FARS2: variants seen among roughly 807,000 people sequenced by gnomAD.
FARS2 encodes the protein phenylalanyl-tRNA synthetase 2, mitochondrial.
In FARS2, 40 loss-of-function variants were observed where a neutral mutation model predicts 46.4. That is an observed-to-expected ratio of 0.86 (90% confidence interval 0.67 to 1.12). The LOEUF is 1.12. FARS2 is among the 50% of genes most tolerant of loss of function. The probability of loss-of-function intolerance (pLI) is 0.00; values close to 1 mark genes in which losing one functional copy is unlikely to be tolerated. For synonymous variants in FARS2, 234 were observed against 214.9 expected, an observed-to-expected ratio of 1.09 and a Z score of -0.78; for missense variants, 513 against 567.9, an observed-to-expected ratio of 0.90 and a Z score of 0.98.
intron 5 of FARS2, among the ~76,000 whole-genome samples, chr6:5,554,154 T>C (rs1483303646): frequency 1.3e-5 from 2 of 152,238 alleles, no homozygotes; most frequent in Non-Finnish European, 2.9e-5. Flanking sequence ...AACTCCTTCC[T>C]TCCTTTCTCC....
rs1233155628 is a variant in FARS2 at position 5,545,340 on chromosome 6, G to A, written c.1065G>A (p.Gln355=). ...ACATTAATCAGAAGGTGAAGTTTCA[G>A]GTAAGATGACTTGCAAGAACTGAAT... The part of the protein sequence containing the change: ...VSNINQKVKF[Q]PLSKYPAVIN... The change falls in exon 5 of 7, where the codon CAG becomes CAA. Residue 355 remains glutamine (Q), a splice_region_variant and synonymous_variant. Transcript: ENST00000274680. 6.2e-7 allele frequency: 1 copy of A among 1,612,808 alleles called. No homozygotes were observed. The highest frequency in any genetic ancestry group is 1.7e-4 in the Middle Eastern group (1 of 6,052).
chr6:5,526,828 G>A (rs1769494277), intron 4 of FARS2, among the ~76,000 whole-genome samples: 1 of 152,032 alleles, frequency 6.6e-6, no homozygotes, highest in African/African-American at 2.4e-5. Context: ...TATTGGCCAG[G>A]CTGGTCTCAA....
chr6:5,664,699 A>T (rs542661857), intron 6 of FARS2, among the ~76,000 whole-genome samples: 11 of 152,310 alleles, frequency 7.2e-5, no homozygotes, highest in African/African-American at 2.6e-4. Context: ...GATGTTGAGG[A>T]TGGATCTCAT....
In FARS2 at chr6:5,656,370, C is replaced by A. The variant is rs540197410; in HGVS notation, c.1217+43050C>A. On this transcript the variant is annotated intron_variant, in intron 6 of 6. Transcript: ENST00000274680. ...GGTAACCAAGAACTGGAAGTGTAAC[C>A]AGGTAACCTAGAATTGGAAGTGTTT... Among the ~76,000 whole-genome samples, 111 of 152,280 alleles carry A rather than the reference C, an allele frequency of 7.3e-4. 1 individual carries two copies. The highest frequency in any genetic ancestry group is 3.4e-3 in the Middle Eastern group (1 of 294).
chr6:5,545,248 G>A lies in FARS2; in HGVS notation c.973G>A (p.Asp325Asn), dbSNP rs764427452. 57 of 1,613,894 alleles carry A rather than the reference G, an allele frequency of 3.5e-5. No homozygotes were observed. The East Asian group carries it at 3.8e-4, about 11-fold the overall frequency. Residue 325 changes from aspartate to asparagine, a missense_variant, in exon 5 of 7, where the codon GAC (aspartate) becomes AAC (asparagine). Asp to Asn is a conservative substitution (Grantham distance 23). Coordinates refer to ENST00000274680, the MANE Select transcript of FARS2 (RefSeq NM_006567.5). ...AGAAAGGCTAGCCATGATCCTCTAC[G>A]ACATCCCTGATATCCGTCTCTTCTG... is the stretch of plus-strand genomic sequence containing the variant. ...GLERLAMILY[D>N]IPDIRLFWCE...
intron 1 of FARS2, among the ~76,000 whole-genome samples, chr6:5,281,335 A>G (rs956192206): frequency 6.6e-6 from 1 of 152,186 alleles, no homozygotes; most frequent in African/African-American, 2.4e-5. Flanking sequence ...CTGTTCTTTC[A>G]CTTATTTTGT....
intron 4 of FARS2, among the ~76,000 whole-genome samples, chr6:5,544,735 G>T (rs1001026866): frequency 2.0e-5 from 3 of 152,138 alleles, no homozygotes; most frequent in African/African-American, 7.2e-5. Flanking sequence ...ATGTAAGTTC[G>T]TTCTAAACAT....
At chr6:5,453,398 A>G (rs1034623808) in intron 4 of FARS2, among the ~76,000 whole-genome samples, 5 of 152,234 alleles carry the variant, frequency 3.3e-5, no homozygotes, top group Admixed American at 6.5e-5. Flanking sequence ...AATTAATACT[A>G]TCTACAGTGT....
intron 5 of FARS2, among the ~76,000 whole-genome samples, chr6:5,570,247 T>C (rs1441691844): frequency 6.6e-6 from 1 of 152,234 alleles, no homozygotes; most frequent in East Asian, 1.9e-4. Flanking sequence ...ATTTGAATAG[T>C]TGGAACATCT....
intron 1 of FARS2, among the ~76,000 whole-genome samples, chr6:5,339,370 G>A (rs918029425): frequency 6.6e-6 from 1 of 151,782 alleles, no homozygotes; most frequent in African/African-American, 2.4e-5. Context: ...TGAAATCAGG[G>A]CAAGTTAGCA....
chr6:5,328,340 A>G (rs1213946005), intron 1 of FARS2, among the ~76,000 whole-genome samples: 1 of 152,182 alleles, frequency 6.6e-6, no homozygotes, highest in African/African-American at 2.4e-5. Flanking sequence ...TTATAATTTT[A>G]CGGTTATGCT....
intron 2 of FARS2, among the ~76,000 whole-genome samples, chr6:5,385,670 C>G (rs528267979): frequency 2.0e-5 from 3 of 152,068 alleles, no homozygotes; most frequent in African/African-American, 7.2e-5. Flanking sequence ...GTGGTCTGTC[C>G]GCCTTGGCCT....
chr6:5,540,474 C>T (rs973365348), intron 4 of FARS2, among the ~76,000 whole-genome samples: 4 of 152,144 alleles, frequency 2.6e-5, no homozygotes, highest in Admixed American at 2.6e-4. Context: ...ATCGTGTAAA[C>T]TTTGCTTTTC....
intron 6 of FARS2, among the ~76,000 whole-genome samples, chr6:5,717,935 T>TATATATATATAGAGAGAGAGAGAG (rs546191530): frequency 7.4e-6 from 1 of 135,630 alleles, no homozygotes; most frequent in African/African-American, 3.1e-5. Flanking sequence ...TATATATATA[T>TATATATATATAGAGAGAGAGAGAG]ACAGAGTCTC....
intron 4 of FARS2, among the ~76,000 whole-genome samples, chr6:5,447,896 C>T (rs1452842643): frequency 6.6e-6 from 1 of 152,206 alleles, no homozygotes; most frequent in Non-Finnish European, 1.5e-5. Flanking sequence ...GGCTTGGAGG[C>T]AAGTGGCCTG....
chr6:5,705,840 C>T (rs186139563), intron 6 of FARS2, among the ~76,000 whole-genome samples: 29 of 152,234 alleles, frequency 1.9e-4, no homozygotes, highest in Admixed American at 1.8e-3. Context: ...CCAGTGCAAC[C>T]GCACACACAA....
At position 5,297,086 on chromosome 6, in the gene FARS2, A is replaced by G. The variant is rs141322223; in HGVS notation, c.-22+35426A>G. 2.1e-3 allele frequency among the ~76,000 whole-genome samples: 317 copies of G among 152,338 alleles called. 2 individuals carry two copies. Among genetic ancestry groups the G allele is most frequent in the African/African-American group, 7.4e-3 (306 of 41,586 alleles). ...TTCTTCACATAGGAGATAGGTAATTATTTGTCCTTCACTGTTACAACAGCG... is the reference window on the plus strand; with the variant it reads ...TTCTTCACATAGGAGATAGGTAATTGTTTGTCCTTCACTGTTACAACAGCG... On this transcript the variant is annotated intron_variant, in intron 1 of 6. Coordinates refer to ENST00000274680, the MANE Select transcript of FARS2 (RefSeq NM_006567.5).
At chr6:5,522,565 G>T (rs1561682636) in intron 4 of FARS2, among the ~76,000 whole-genome samples, 1 of 152,266 alleles carries the variant, frequency 6.6e-6, no homozygotes, top group Non-Finnish European at 1.5e-5. Context: ...ACCAGCGGAA[G>T]TATGTTTTTG....
At chr6:5,304,351 T>C (rs1581736436) in intron 1 of FARS2, among the ~76,000 whole-genome samples, 1 of 150,880 alleles carries the variant, frequency 6.6e-6, no homozygotes, top group African/African-American at 2.5e-5. Context: ...GTTGTTGACA[T>C]GTGCGTTACT....
Sources: gnomAD v4.1 joint callset for allele counts (sites outside exome capture counted in the v4.1 genomes callset) on GRCh38, gnomAD v4.1.1 for gene constraint, MANE v1.5 for transcripts, NCBI Gene and HGNC (gene_info 2026-07-23, HGNC 2026-07-21) for gene names.